ASPSCR1: variants seen among roughly 807,000 people sequenced by gnomAD.
ASPSCR1 encodes tether containing UBX domain for GLUT4.
In ASPSCR1, 55 loss-of-function variants were observed where a neutral mutation model predicts 68.9. The ratio of observed to expected loss-of-function variants is 0.80; its 90% CI spans 0.64 to 1.00. ASPSCR1 has a LOEUF of 1.00. Among genes scored for constraint, ASPSCR1 ranks in the 50% least tolerant of loss-of-function variants. The pLI is 0.00. For missense variants in ASPSCR1, 765 were observed against 762.2 expected, an observed-to-expected ratio of 1.00 and a Z score of -0.04; for synonymous variants, 352 against 332.6, an observed-to-expected ratio of 1.06 and a Z score of -0.63.
intron 8 of ASPSCR1, 114 bp from the exon 9 acceptor site, chr17:82,009,372 G>T (rs1234521761): frequency 2.9e-6 from 4 of 1,362,056 alleles, no homozygotes; most frequent in Middle Eastern, 2.3e-4. Flanking sequence ...TTCCTGCCTT[G>T]TGTGGGGAGA....
At chr17:82,001,570 T>C (rs77036984) in intron 7 of ASPSCR1, among the ~76,000 whole-genome samples, 2,244 of 152,234 alleles carry the variant, frequency 0.015, 46 homozygotes, top group African/African-American at 0.051. Context: ...GCTTGTGTTT[T>C]GGTGAGGAAC....
At chr17:81,991,437 G>A (rs1300634407) in intron 4 of ASPSCR1, among the ~76,000 whole-genome samples, 1 of 152,218 alleles carries the variant, frequency 6.6e-6, no homozygotes, top group Non-Finnish European at 1.5e-5. Flanking sequence ...GGGGTGTAGG[G>A]ATGGGCTGCT....
chr17:81,985,158 G>A (rs1040518920), intron 3 of ASPSCR1, among the ~76,000 whole-genome samples: 13 of 122,616 alleles, frequency 1.1e-4, no homozygotes, highest in Middle Eastern at 7.4e-3. Flanking sequence ...ACGCACATGC[G>A]CACACCTGCA....
intron 11 of ASPSCR1, 58 bp downstream of exon 11, chr17:82,011,663 G>A (rs941972008): frequency 3.8e-6 from 6 of 1,567,538 alleles, no homozygotes; most frequent in Non-Finnish European, 5.2e-6. Flanking sequence ...TTGGTGCTGT[G>A]GGCACACCGC....
chr17:82,015,238 G>T, intron 12 of ASPSCR1: 1 of 1,598,270 alleles, frequency 6.3e-7, no homozygotes. Flanking sequence ...GCCTCTCCAA[G>T]CACTGGTCAG....
Position 82,009,696 on chromosome 17 carries a change from G to C in ASPSCR1, c.1170+129G>C, listed in dbSNP as rs534280908. The C allele has an allele frequency of 5.4e-6, 3 of 550,934 alleles. No homozygotes were observed. In the African/African-American group the frequency reaches 7.7e-5, roughly 14 times the overall value. 34.1% of individuals were successfully genotyped at this position (550,934 alleles called of 1,614,324 possible). ...CCCCTGTGAGGTCTGTGGACAGGACGTGGTGGCGACTGAGGCACAGCTCTG... is the reference window on the plus strand; with the variant it reads ...CCCCTGTGAGGTCTGTGGACAGGACCTGGTGGCGACTGAGGCACAGCTCTG... On this transcript the variant is annotated intron_variant, in intron 9 of 15. Coordinates refer to ENST00000306739, the MANE Select transcript of ASPSCR1 (RefSeq NM_024083.4).
chr17:81,980,416 A>G (rs951229913), intron 2 of ASPSCR1, among the ~76,000 whole-genome samples: 6 of 152,236 alleles, frequency 3.9e-5, no homozygotes, highest in African/African-American at 1.4e-4. Context: ...CTGCCAAGTC[A>G]TTCCAGTCTT....
chr17:81,979,607 G>T (rs2041728997), intron 2 of ASPSCR1, among the ~76,000 whole-genome samples: 1 of 152,180 alleles, frequency 6.6e-6, no homozygotes, highest in African/African-American at 2.4e-5. Flanking sequence ...CAAAGACCAG[G>T]ATCCCTAGTA....
intron 4 of ASPSCR1, among the ~76,000 whole-genome samples, chr17:81,989,373 G>T (rs2042090863): frequency 6.6e-6 from 1 of 152,168 alleles, no homozygotes; most frequent in Admixed American, 6.5e-5. Flanking sequence ...CTGGGAGCTG[G>T]TCCCCAGCAG....
At position 81,988,082 on chromosome 17, in the gene ASPSCR1, C is replaced by T. The variant is rs561556754; in HGVS notation, c.374+2475C>T. Among the ~76,000 whole-genome samples, 6 of 148,282 alleles carry T rather than the reference C, an allele frequency of 4.0e-5. No individual in the cohort carries two copies. The South Asian group carries it at 1.3e-3, about 32-fold the overall frequency. On this transcript the variant is annotated intron_variant, in intron 4 of 15. Coordinates refer to ENST00000306739, the MANE Select transcript of ASPSCR1 (RefSeq NM_024083.4). ...CTGAGGCAGAAGAATTGCTTGAACC[C>T]AGGAGGTGGAGGTTGCAGTGAGCCA...
chr17:82,014,662 C>T lies in ASPSCR1; in HGVS notation c.1354-1814C>T, dbSNP rs550183336. On this transcript the variant is annotated intron_variant, in intron 12 of 15. Transcript: ENST00000306739. ...AGGGCTCCTCTCTTGGCTTCGTTCC[C>T]CGGAGGGTGGTGCTGTTCTCGTTGG... is the stretch of plus-strand genomic sequence containing the variant. 302 of 202,370 alleles carry T rather than the reference C, an allele frequency of 1.5e-3. 2 individuals carry two copies. Among genetic ancestry groups the T allele is most frequent in the Middle Eastern group, 4.2e-3 (2 of 472 alleles). The allele number at this position is 202,370 out of a possible 1,614,324, so 12.5% of individuals were successfully genotyped here.
rs542204616 is a variant in ASPSCR1, at chr17:81,983,910, C to A, written c.273+242C>A. ...TCTCGCTCTGTCGCCCAGGCTGGAGCTCAGTGGCGCAGTCTCGGCTCACTT... is the reference window on the plus strand; with the variant it reads ...TCTCGCTCTGTCGCCCAGGCTGGAGATCAGTGGCGCAGTCTCGGCTCACTT... On this transcript the variant is annotated intron_variant, in intron 3 of 15. Coordinates refer to ENST00000306739, the MANE Select transcript of ASPSCR1 (RefSeq NM_024083.4). The surrounding 1 kb of genome is among the most constrained non-coding windows in gnomAD (Gnocchi z 4.4). Among the ~76,000 whole-genome samples the A allele has an allele frequency of 6.6e-6, 1 of 151,228 alleles. No homozygotes were observed. The highest frequency in any genetic ancestry group is 2.0e-4 in the East Asian group (1 of 5,120).
At chr17:82,008,945 CTG>C in intron 7 of ASPSCR1, 90 bp from the exon 8 acceptor site, 1 of 1,406,996 alleles carries the variant, frequency 7.1e-7, no homozygotes, top group Non-Finnish European at 9.3e-7. Context: ...GCTCCCAAGT[CTG>C]TGTGACCACC....
chr17:81,989,780 C>T (rs973153729), intron 4 of ASPSCR1, among the ~76,000 whole-genome samples: 8 of 152,172 alleles, frequency 5.3e-5, no homozygotes, highest in Admixed American at 2.0e-4. Context: ...GGGATACCAG[C>T]GAGCCACACG....
chr17:82,008,811 G>A (rs1442732924), intron 7 of ASPSCR1: 2 of 499,458 alleles, frequency 4.0e-6, no homozygotes, highest in Non-Finnish European at 6.8e-6. Context: ...GACTGGGAGA[G>A]GGGGGTCTCC....
intron 10 of ASPSCR1, 81 bp from the exon 11 acceptor site, chr17:82,011,462 G>A: frequency 7.5e-7 from 1 of 1,328,442 alleles, no homozygotes; most frequent in Non-Finnish European, 1.0e-6. Flanking sequence ...CAGGAGGGTG[G>A]GAGCAGTGGC....
At position 81,983,466 on chromosome 17, in the gene ASPSCR1, T is replaced by G. The variant is rs995256574; in HGVS notation, c.159-88T>G. The G allele has an allele frequency of 2.3e-5, 22 of 973,072 alleles. No individual in the cohort carries two copies. In the African/African-American group the frequency reaches 4.1e-4, roughly 18 times the overall value. 60.3% of individuals were successfully genotyped at this position (973,072 alleles called of 1,614,324 possible). A position where few individuals can be genotyped will look rare whatever the true frequency, so the allele number is the denominator to read the frequency against. ...ATGGCGGGGCGTGGATGGCGGGGCG[T>G]GGATGGTGGGACGGGGATGGCGGGG... On this transcript the variant is annotated intron_variant, in intron 2 of 15. Transcript: ENST00000306739. This position sits in a 1 kb window ranked among gnomAD's most constrained non-coding sequence, Gnocchi z 4.4.
chr17:81,994,294 G>A (rs1045747446), intron 4 of ASPSCR1, among the ~76,000 whole-genome samples: 1 of 152,244 alleles, frequency 6.6e-6, no homozygotes, highest in African/African-American at 2.4e-5. Flanking sequence ...GCAAGCGGGC[G>A]TGAGCGGAGT....
intron 13 of ASPSCR1, 133 bp from the exon 14 acceptor site, chr17:82,016,667 C>G: frequency 1.4e-6 from 2 of 1,442,134 alleles, no homozygotes; most frequent in Non-Finnish European, 1.9e-6. Flanking sequence ...GTAACCACCT[C>G]CCCGAGAGAG....
Sources: allele counts gnomAD v4.1 joint callset (sites outside exome capture counted in the v4.1 genomes callset), GRCh38; gene constraint gnomAD v4.1.1; non-coding constraint Gnocchi (gnomAD v3.1); transcripts MANE v1.5; gene names NCBI Gene and HGNC (gene_info 2026-07-23, HGNC 2026-07-21).